GRID1: variants seen among roughly 807,000 people sequenced by gnomAD.
GRID1 encodes glutamate receptor ionotropic, delta-1.
Under a neutral mutation model 98.0 loss-of-function variants are expected in GRID1, and 28 were observed. The ratio of observed to expected loss-of-function variants is 0.29; its 90% CI spans 0.21 to 0.39. The LOEUF (loss-of-function observed/expected upper bound fraction) is 0.39. Among genes scored for constraint, GRID1 ranks in the 10% least tolerant of loss-of-function variants. The pLI is 1.00. For missense variants in GRID1, 1,111 were observed against 1,340.5 expected, an observed-to-expected ratio of 0.83 and a Z score of 2.67; for synonymous variants, 553 against 538.5, an observed-to-expected ratio of 1.03 and a Z score of -0.37.
intron 4 of GRID1, among the ~76,000 whole-genome samples, chr10:86,020,193 T>C (rs557606250): frequency 6.6e-6 from 1 of 152,206 alleles, no homozygotes; most frequent in Non-Finnish European, 1.5e-5. Context: ...ATGAGCAAAC[T>C]TGTTCCAATG....
At chr10:85,993,077 A>C (rs917847169) in intron 4 of GRID1, among the ~76,000 whole-genome samples, 7 of 152,246 alleles carry the variant, frequency 4.6e-5, no homozygotes, top group African/African-American at 1.7e-4. Context: ...CCTGAGGGAC[A>C]CGGAATGTGA....
intron 2 of GRID1, among the ~76,000 whole-genome samples, chr10:86,226,630 C>T (rs1846354883): frequency 1.1e-5 from 1 of 91,602 alleles, no homozygotes; most frequent in Non-Finnish European, 2.1e-5. Flanking sequence ...CCCCAGCATA[C>T]CCTCCCACCC....
chr10:86,144,010 C>T (rs1227279860), intron 3 of GRID1, among the ~76,000 whole-genome samples: 2 of 152,166 alleles, frequency 1.3e-5, no homozygotes, highest in African/African-American at 4.8e-5. Flanking sequence ...TGCCAGCACC[C>T]ACCCGTTCCT....
intron 8 of GRID1, among the ~76,000 whole-genome samples, chr10:85,783,393 T>C (rs962966835): frequency 5.9e-5 from 9 of 152,122 alleles, no homozygotes; most frequent in Non-Finnish European, 1.2e-4. Context: ...GTTTATAATA[T>C]CAAGAAGTGG....
chr10:86,252,355 G>C (rs1457308109), intron 2 of GRID1, among the ~76,000 whole-genome samples: 2 of 152,082 alleles, frequency 1.3e-5, no homozygotes, highest in Admixed American at 1.3e-4. Flanking sequence ...GGGCCTCCTG[G>C]GACTCCCCAG....
intron 2 of GRID1, among the ~76,000 whole-genome samples, chr10:86,218,789 G>C (rs1205246816): frequency 6.6e-6 from 1 of 152,194 alleles, no homozygotes; most frequent in Non-Finnish European, 1.5e-5. Context: ...TTGCAGCTCA[G>C]TGTCATTGAC....
intron 3 of GRID1, among the ~76,000 whole-genome samples, chr10:86,168,046 T>G (rs986307190): frequency 2.0e-5 from 3 of 152,142 alleles, no homozygotes; most frequent in African/African-American, 7.2e-5. Flanking sequence ...GCAGGCTGCT[T>G]GATGGAGGCA....
At chr10:85,849,229 C>T (rs537149443) in intron 8 of GRID1, among the ~76,000 whole-genome samples, 1 of 152,310 alleles carries the variant, frequency 6.6e-6, no homozygotes, top group African/African-American at 2.4e-5. Context: ...GTTAATGATG[C>T]ACTTTCAAGC....
chr10:86,140,763 G>A (rs1391470751), intron 3 of GRID1, among the ~76,000 whole-genome samples: 1 of 152,210 alleles, frequency 6.6e-6, no homozygotes, highest in Non-Finnish European at 1.5e-5. Context: ...CTGAGGGGCT[G>A]TCTGTAAAAT....
chr10:85,759,246 T>A (rs1461321255), intron 8 of GRID1, among the ~76,000 whole-genome samples: 1 of 152,174 alleles, frequency 6.6e-6, no homozygotes, highest in Non-Finnish European at 1.5e-5. Flanking sequence ...CCTTTCCCTC[T>A]CCCTGCAACC....
intron 3 of GRID1, among the ~76,000 whole-genome samples, chr10:86,162,682 G>A (rs1845339826): frequency 6.6e-6 from 1 of 152,246 alleles, no homozygotes; most frequent in Non-Finnish European, 1.5e-5. Flanking sequence ...CCAGCAGGGT[G>A]CACACTAGTG....
chr10:85,742,901 C>T (rs1841958294), intron 8 of GRID1, among the ~76,000 whole-genome samples: 1 of 152,180 alleles, frequency 6.6e-6, no homozygotes, highest in South Asian at 2.1e-4. Flanking sequence ...CAACCTGACA[C>T]TATTGGCATT....
At chr10:85,668,356 G>A (rs2132579880) in intron 12 of GRID1, among the ~76,000 whole-genome samples, 1 of 152,316 alleles carries the variant, frequency 6.6e-6, no homozygotes, top group East Asian at 1.9e-4. Flanking sequence ...ACCCTTGTGG[G>A]CATCTGTGGG....
At chr10:86,034,522 G>A (rs1564655590) in intron 4 of GRID1, among the ~76,000 whole-genome samples, 1 of 152,080 alleles carries the variant, frequency 6.6e-6, no homozygotes, top group Non-Finnish European at 1.5e-5. Flanking sequence ...CAGATTGTAA[G>A]TGATAGAGCA....
intron 4 of GRID1, among the ~76,000 whole-genome samples, chr10:86,088,978 A>T (rs1219378663): frequency 6.6e-6 from 1 of 152,016 alleles, no homozygotes; most frequent in African/African-American, 2.4e-5. Flanking sequence ...AAGACAGAAA[A>T]CTTTCAGATA....
In GRID1 at chr10:85,682,497, A is replaced by G. The variant is rs538774736; in HGVS notation, c.1998-35100T>C. Among the ~76,000 whole-genome samples the G allele has an allele frequency of 3.9e-5, 6 of 152,380 alleles. 1 individual carries two copies. In the South Asian group the frequency reaches 1.0e-3, roughly 26 times the overall value. Reference sequence around the variant, plus strand: ...TTTCTGTGGTGTCATTACTCCCACCATAGACAACTTTACCCTAGCAATGTG... The same window carrying G: ...TTTCTGTGGTGTCATTACTCCCACCGTAGACAACTTTACCCTAGCAATGTG... On this transcript the variant is annotated intron_variant, in intron 12 of 15. Transcript: ENST00000327946.
chr10:86,139,484 T>G (rs1844981069), intron 3 of GRID1, among the ~76,000 whole-genome samples: 1 of 152,236 alleles, frequency 6.6e-6, no homozygotes, highest in East Asian at 1.9e-4. Context: ...CCTCAGCAGA[T>G]AGGCAGTGCA....
At chr10:85,748,912 T>C (rs2132683536) in intron 8 of GRID1, among the ~76,000 whole-genome samples, 1 of 152,310 alleles carries the variant, frequency 6.6e-6, no homozygotes, top group East Asian at 1.9e-4. Flanking sequence ...CACCTTTATC[T>C]ACCTCATTAC....
At chr10:86,118,988 C>A (rs1276536060) in intron 4 of GRID1, among the ~76,000 whole-genome samples, 1 of 152,102 alleles carries the variant, frequency 6.6e-6, no homozygotes, top group East Asian at 1.9e-4. Flanking sequence ...AATGTGGTAT[C>A]CTGGATAGGA....
Sources: allele counts gnomAD v4.1 joint callset (sites outside exome capture counted in the v4.1 genomes callset), GRCh38; gene constraint gnomAD v4.1.1; transcripts MANE v1.5; gene names NCBI Gene and HGNC (gene_info 2026-07-23, HGNC 2026-07-21).